GMPS: variants seen among roughly 807,000 people sequenced by gnomAD.
The protein encoded by GMPS is guanosine monophosphate synthase.
In GMPS, 15 loss-of-function variants were observed where a neutral mutation model predicts 77.9. That is an observed-to-expected ratio of 0.19 (90% CI 0.13 to 0.30). The LOEUF (loss-of-function observed/expected upper bound fraction) is 0.30, where lower values mean the gene tolerates loss of function less well. Ranked by LOEUF, GMPS falls within the 10% of genes least tolerant of loss-of-function variation. The probability of loss-of-function intolerance (pLI) is 1.00; values close to 1 mark genes in which losing one functional copy is unlikely to be tolerated. For synonymous variants in GMPS, 224 were observed against 275.9 expected, an observed-to-expected ratio of 0.81 and a Z score of 1.86; for missense variants, 590 against 838.8, an observed-to-expected ratio of 0.70 and a Z score of 3.66.
At position 155,870,886 on chromosome 3, in the gene GMPS, G is replaced by A; in HGVS notation, c.16G>A (p.Gly6Arg). ...CCTGGCCCCGATGGCTCTGTGCAAC[G>A]GAGACTCCAAGGTCAGCGTGGGGGT... The part of the protein sequence containing the change: MALCN[G>R]DSKLENAGGD... The change falls in exon 1 of 16, where the codon GGA becomes AGA. Residue 6 changes from glycine to arginine, a missense_variant. By Grantham distance (125) the Gly-to-Arg change is moderately radical (BLOSUM62 -2). Around this residue, in one of 6 missense-constraint regions of GMPS, gnomAD observed 47 missense variants for 45.5 expected, o/e 1.03. Transcript: ENST00000496455. 1.3e-6 allele frequency: 2 copies of A among 1,507,168 alleles called. No homozygotes were observed. Among genetic ancestry groups the A allele is most frequent in the Non-Finnish European group, 8.8e-7 (1 of 1,131,422 alleles). 93.4% of individuals were successfully genotyped at this position (1,507,168 alleles called of 1,614,324 possible).
At chr3:155,872,537 T>C (rs373078672) in intron 1 of GMPS, among the ~76,000 whole-genome samples, 24 of 152,332 alleles carry the variant, frequency 1.6e-4, no homozygotes, top group African/African-American at 5.3e-4. Flanking sequence ...TTGAAAAATA[T>C]ATAGTGCATT....
chr3:155,922,144 A>G (rs1467015352), intron 10 of GMPS, 43 bp from the exon 11 acceptor site: 3 of 740,388 alleles, frequency 4.1e-6, no homozygotes, highest in Admixed American at 3.7e-5. Context: ...TATATTAGAA[A>G]TATAACATTA....
intron 1 of GMPS, among the ~76,000 whole-genome samples, chr3:155,882,800 T>C (rs1464261680): frequency 6.6e-6 from 1 of 152,238 alleles, no homozygotes; most frequent in Non-Finnish European, 1.5e-5. Flanking sequence ...AAACGTTCCT[T>C]CACTAACTAT....
intron 9 of GMPS, among the ~76,000 whole-genome samples, chr3:155,918,843 TTG>T (rs1560049114): frequency 6.6e-6 from 1 of 152,204 alleles, no homozygotes; most frequent in Non-Finnish European, 1.5e-5. Context: ...GATATACGAC[TTG>T]CAAATGTCTT....
chr3:155,880,570 A>G (rs1360251515), intron 1 of GMPS, among the ~76,000 whole-genome samples: 2 of 152,344 alleles, frequency 1.3e-5, no homozygotes, highest in Admixed American at 6.5e-5. Flanking sequence ...TGACATATAT[A>G]TGTACTCATG....
intron 9 of GMPS, among the ~76,000 whole-genome samples, chr3:155,918,368 C>T (rs1755236591): frequency 6.6e-6 from 1 of 152,180 alleles, no homozygotes; most frequent in Non-Finnish European, 1.5e-5. Context: ...AGGAGAATTG[C>T]TTGAACCTGG....
At chr3:155,883,258 A>G (rs1754252496) in intron 1 of GMPS, among the ~76,000 whole-genome samples, 2 of 152,058 alleles carry the variant, frequency 1.3e-5, no homozygotes, top group African/African-American at 2.4e-5. Context: ...TATTTTTAGT[A>G]GAGATGGGGT....
chr3:155,905,794 A>C (rs1471022521), intron 4 of GMPS, among the ~76,000 whole-genome samples: 1 of 152,224 alleles, frequency 6.6e-6, no homozygotes, highest in Non-Finnish European at 1.5e-5. Flanking sequence ...CTACCGAATG[A>C]AGTGTTAAGG....
Position 155,903,879 on chromosome 3 carries a change from T to A in GMPS, c.341T>A (p.Phe114Tyr). 1 of 1,515,998 alleles carries A rather than the reference T, an allele frequency of 6.6e-7. No homozygotes were observed. The highest frequency in any genetic ancestry group is 9.0e-7 in the Non-Finnish European group (1 of 1,110,120). The allele number at this position is 1,515,998 out of a possible 1,614,324, so 93.9% of individuals were successfully genotyped here. A position where few individuals can be genotyped will look rare whatever the true frequency, so the allele number is the denominator to read the frequency against. The change falls in exon 4 of 16, where the codon TTT becomes TAT. Residue 114 changes from phenylalanine to tyrosine, a missense_variant. Coordinates refer to ENST00000496455, the MANE Select transcript of GMPS (RefSeq NM_003875.3). Reference protein sequence around the residue: ...CYGMQMMNKVFGGTVHKKSVR... With the variant: ...CYGMQMMNKVYGGTVHKKSVR... ...TTTGAACAGATGATGAATAAGGTATTTGGAGGTACTGTGCACAAAAAAAGT... is the reference window on the plus strand; with the variant it reads ...TTTGAACAGATGATGAATAAGGTATATGGAGGTACTGTGCACAAAAAAAGT...
chr3:155,921,698 G>A (rs1755320480), intron 10 of GMPS, among the ~76,000 whole-genome samples: 1 of 152,022 alleles, frequency 6.6e-6, no homozygotes, highest in East Asian at 1.9e-4. Flanking sequence ...AGGCTGAGGT[G>A]GGAAGACTGC....
At chr3:155,937,561 C>A (rs1044681367) in intron 15 of GMPS, 30 bp from the exon 16 acceptor site, 24 of 955,176 alleles carry the variant, frequency 2.5e-5, no homozygotes, top group African/African-American at 4.8e-5. Flanking sequence ...GCAGTGGATG[C>A]TGACTTTTCT....
chr3:155,917,472 C>T (rs1195876988), intron 9 of GMPS, among the ~76,000 whole-genome samples: 2 of 152,186 alleles, frequency 1.3e-5, no homozygotes, highest in African/African-American at 4.8e-5. Flanking sequence ...TTAAATACCT[C>T]ATATAGGTGG....
At chr3:155,890,238 AG>A (rs1221166080) in intron 1 of GMPS, among the ~76,000 whole-genome samples, 2 of 152,260 alleles carry the variant, frequency 1.3e-5, no homozygotes, top group African/African-American at 4.8e-5. Flanking sequence ...TTTATTGCTA[AG>A]GAAACAGGAA....
chr3:155,891,297 GATA>G (rs1196767087), intron 1 of GMPS, among the ~76,000 whole-genome samples: 2 of 152,202 alleles, frequency 1.3e-5, no homozygotes, highest in Admixed American at 6.5e-5. Context: ...AAATGGTAAA[GATA>G]ATAATGGGAC....
At position 155,874,837 on chromosome 3, in the gene GMPS, A is replaced by G. The variant is rs556207985; in HGVS notation, c.27+3940A>G. Among the ~76,000 whole-genome samples the G allele has an allele frequency of 3.9e-5, 6 of 152,116 alleles. No individual in the cohort carries two copies. In the South Asian group the frequency reaches 8.3e-4, roughly 21 times the overall value. ...CAAAGGATGTTGTTTGAAGTAATGA[A>G]TAATTATTTGCTACCCAGAATAATC... On this transcript the variant is annotated intron_variant, in intron 1 of 15. Coordinates refer to ENST00000496455, the MANE Select transcript of GMPS (RefSeq NM_003875.3).
At chr3:155,928,809 A>G (rs1577534123) in intron 12 of GMPS, among the ~76,000 whole-genome samples, 2 of 150,260 alleles carry the variant, frequency 1.3e-5, no homozygotes, top group Admixed American at 1.3e-4. Flanking sequence ...TTCTTGCGAT[A>G]GTTTACTGAG....
At position 155,870,766 on chromosome 3, in the gene GMPS, C is replaced by G; in HGVS notation, c.-105C>G. The G allele has an allele frequency of 1.4e-6, 1 of 737,734 alleles. No individual in the cohort carries two copies. Among genetic ancestry groups the G allele is most frequent in the East Asian group, 3.3e-5 (1 of 30,268 alleles). 45.7% of individuals were successfully genotyped at this position (737,734 alleles called of 1,614,324 possible). A position where few individuals can be genotyped will look rare whatever the true frequency, so the allele number is the denominator to read the frequency against. On this transcript the variant is annotated 5_prime_UTR_variant, in exon 1 of 16. Coordinates refer to ENST00000496455, the MANE Select transcript of GMPS (RefSeq NM_003875.3). ...CTCTCCGCTGCCGGCTGCTCCTCGA[C>G]CAGGCCTCCTTCTCAACCTCAGCCC...
At chr3:155,929,550 A>G (rs1337675353) in intron 12 of GMPS, among the ~76,000 whole-genome samples, 2 of 149,218 alleles carry the variant, frequency 1.3e-5, no homozygotes, top group Non-Finnish European at 1.5e-5. Flanking sequence ...AGGGTATTCA[A>G]TTAGGAAAAG....
At chr3:155,934,877 A>G (rs1361357425) in intron 13 of GMPS, 39 bp from the exon 14 acceptor site, 7 of 1,332,134 alleles carry the variant, frequency 5.3e-6, no homozygotes, top group Non-Finnish European at 7.5e-6. Context: ...CTACATTTGA[A>G]ATGTAATTGC....
Sources: gnomAD v4.1 joint callset for allele counts (sites outside exome capture counted in the v4.1 genomes callset) on GRCh38, gnomAD v4.1.1 for gene constraint, gnomAD v4.1.1 regional missense constraint, MANE v1.5 for transcripts, NCBI Gene and HGNC (gene_info 2026-07-23, HGNC 2026-07-21) for gene names.